LBH: variants seen among roughly 807,000 people sequenced by gnomAD.
LBH encodes the protein protein LBH.
LBH carries 7 observed loss-of-function variants against 12.5 expected under a neutral mutation model. The ratio of observed to expected loss-of-function variants is 0.56; its 90% confidence interval spans 0.32 to 1.05. The LOEUF is 1.05. LBH is among the 50% of genes least tolerant of loss of function. The pLI is 0.04. For synonymous variants in LBH, 51 were observed against 50.1 expected (o/e 1.02, Z -0.08); for missense variants, 119 against 138.9 (o/e 0.86, Z 0.72).
intron 2 of LBH, among the ~76,000 whole-genome samples, chr2:30,239,346 C>G (rs1291872441): frequency 6.6e-6 from 1 of 152,188 alleles, no homozygotes; most frequent in Non-Finnish European, 1.5e-5. Context: ...CTCTGTCCCC[C>G]ACCAGCTCAC....
chr2:30,252,128 A>G (rs928731095), intron 2 of LBH, among the ~76,000 whole-genome samples: 4 of 152,128 alleles, frequency 2.6e-5, no homozygotes, highest in Non-Finnish European at 5.9e-5. Flanking sequence ...CCCTTGTCTC[A>G]TGGGAGGGAC....
intron 2 of LBH, among the ~76,000 whole-genome samples, chr2:30,240,058 T>A (rs938417389): frequency 3.3e-5 from 5 of 152,166 alleles, no homozygotes; most frequent in African/African-American, 1.2e-4. Flanking sequence ...GCCTGACGCC[T>A]CTCTCTCCAA....
intron 2 of LBH, among the ~76,000 whole-genome samples, chr2:30,234,904 A>G (rs1457960113): frequency 6.6e-6 from 1 of 152,204 alleles, no homozygotes; most frequent in Non-Finnish European, 1.5e-5. Context: ...CTGGGGTAGT[A>G]GAAGCATTGC....
chr2:30,235,522 G>A (rs1234711914), intron 2 of LBH, among the ~76,000 whole-genome samples: 1 of 152,154 alleles, frequency 6.6e-6, no homozygotes, highest in Non-Finnish European at 1.5e-5. Flanking sequence ...CCTGTTCACA[G>A]ATGAGGAAAT....
chr2:30,240,048 G>T (rs1380814456), intron 2 of LBH, among the ~76,000 whole-genome samples: 1 of 152,140 alleles, frequency 6.6e-6, no homozygotes, highest in African/African-American at 2.4e-5. Flanking sequence ...CCTGTGTTGG[G>T]CCTGACGCCT....
chr2:30,238,472 C>G (rs1187152579), intron 2 of LBH, among the ~76,000 whole-genome samples: 1 of 152,196 alleles, frequency 6.6e-6, no homozygotes, highest in Non-Finnish European at 1.5e-5. Flanking sequence ...GGTCATGTCC[C>G]CACCATTTGA....
intron 2 of LBH, among the ~76,000 whole-genome samples, chr2:30,252,208 T>C (rs58645306): frequency 0.27 from 41,311 of 152,032 alleles, 6,278 homozygotes; most frequent in African/African-American, 0.39. Flanking sequence ...GTAAGTGAGA[T>C]CTCATAAGAT....
At position 30,258,162 on chromosome 2, in the gene LBH, A is replaced by G. The variant is rs1330649462; in HGVS notation, c.*541A>G. ...AAACAAAGTCTTCATCTCTCTCTCCAGTTTCACCCACCCCACCCTTTGCTT... is the reference window on the plus strand; with the variant it reads ...AAACAAAGTCTTCATCTCTCTCTCCGGTTTCACCCACCCCACCCTTTGCTT... On this transcript the variant is annotated 3_prime_UTR_variant, in exon 3 of 3. Coordinates refer to ENST00000395323, the MANE Select transcript of LBH (RefSeq NM_030915.4). 6.5e-6 allele frequency: 1 copy of G among 153,914 alleles called. No homozygotes were observed. Among genetic ancestry groups the G allele is most frequent in the African/African-American group, 2.4e-5 (1 of 41,446 alleles). The allele number at this position is 153,914 out of a possible 1,614,324, so 9.5% of individuals were successfully genotyped here. A position where few individuals can be genotyped will look rare whatever the true frequency, so the allele number is the denominator to read the frequency against.
intron 1 of LBH, among the ~76,000 whole-genome samples, chr2:30,233,535 T>C (rs1677629752): frequency 6.6e-6 from 1 of 152,268 alleles, no homozygotes; most frequent in Non-Finnish European, 1.5e-5. Context: ...TTGGGTGCTG[T>C]GTAGCAGGTA....
chr2:30,241,267 C>T (rs925681652), intron 2 of LBH, among the ~76,000 whole-genome samples: 6 of 152,136 alleles, frequency 3.9e-5, no homozygotes, highest in African/African-American at 1.4e-4. Context: ...ACTGTAAGGG[C>T]AGATGGGGGT....
chr2:30,235,984 C>T (rs1351792157), intron 2 of LBH, among the ~76,000 whole-genome samples: 3 of 152,154 alleles, frequency 2.0e-5, no homozygotes, highest in South Asian at 2.1e-4. Context: ...GGCCCCTCAA[C>T]CTGGTGGGAG....
Position 30,231,670 on chromosome 2 carries a change from C to G in LBH, c.-69C>G. 2 of 1,486,604 alleles carry G rather than the reference C, an allele frequency of 1.3e-6. No homozygotes were observed. The highest frequency in any genetic ancestry group is 1.9e-6 in the Non-Finnish European group (2 of 1,073,736). 92.1% of individuals were successfully genotyped at this position (1,486,604 alleles called of 1,614,324 possible). A position where few individuals can be genotyped will look rare whatever the true frequency, so the allele number is the denominator to read the frequency against. ...CTGCCGTGCCCGTCTGCGCCCGTGTCATCCTCACTCGGGACGCAGGGACCG... is the reference window on the plus strand; with the variant it reads ...CTGCCGTGCCCGTCTGCGCCCGTGTGATCCTCACTCGGGACGCAGGGACCG... On this transcript the variant is annotated 5_prime_UTR_variant, in exon 1 of 3. Coordinates refer to ENST00000395323, the MANE Select transcript of LBH (RefSeq NM_030915.4).
At chr2:30,249,707 C>T (rs899584234) in intron 2 of LBH, among the ~76,000 whole-genome samples, 5 of 152,222 alleles carry the variant, frequency 3.3e-5, no homozygotes, top group Non-Finnish European at 7.3e-5. Flanking sequence ...CGTATTTGCT[C>T]CTGTCCCAAG....
At chr2:30,240,344 G>A (rs1375499669) in intron 2 of LBH, among the ~76,000 whole-genome samples, 2 of 152,172 alleles carry the variant, frequency 1.3e-5, no homozygotes, top group South Asian at 2.1e-4. Flanking sequence ...GAGTTTGGGT[G>A]GCGAATGTTG....
intron 2 of LBH, among the ~76,000 whole-genome samples, chr2:30,253,160 A>C (rs1356651082): frequency 6.6e-6 from 1 of 152,048 alleles, no homozygotes; most frequent in South Asian, 2.1e-4. Flanking sequence ...TGCCTACCCC[A>C]CCCGTCAAAT....
chr2:30,237,705 C>A (rs778707599), intron 2 of LBH, among the ~76,000 whole-genome samples: 1 of 152,200 alleles, frequency 6.6e-6, no homozygotes, highest in Non-Finnish European at 1.5e-5. Flanking sequence ...AAGGAAGCCC[C>A]AGCTACTGGT....
intron 2 of LBH, among the ~76,000 whole-genome samples, chr2:30,249,578 C>A (rs33999214): frequency 1.3e-5 from 2 of 152,134 alleles, no homozygotes; most frequent in Non-Finnish European, 2.9e-5. Context: ...TTCATTCCCC[C>A]GGTCCTAACC....
chr2:30,233,216 A>G (rs6548003), intron 1 of LBH: 60,129 of 152,210 alleles, frequency 0.4, 12,081 homozygotes, highest in East Asian at 0.53. Context: ...GCAGCTTGCA[A>G]TGCTTTTATG....
At chr2:30,235,655 C>A (rs2103555791) in intron 2 of LBH, among the ~76,000 whole-genome samples, 1 of 151,512 alleles carries the variant, frequency 6.6e-6, no homozygotes, top group South Asian at 2.1e-4. Context: ...CTGGTCATTC[C>A]TTAGAACTGT....
Sources: gnomAD v4.1 joint callset for allele counts (sites outside exome capture counted in the v4.1 genomes callset) on GRCh38, gnomAD v4.1.1 for gene constraint, MANE v1.5 for transcripts, NCBI Gene and HGNC (gene_info 2026-07-23, HGNC 2026-07-21) for gene names.